Variants in CFAP20DC observed in about 807,000 individuals in gnomAD.
CFAP20DC encodes the protein protein CFAP20DC.
A neutral mutation model predicts 101.7 loss-of-function variants in CFAP20DC; 84 were observed. That is an observed-to-expected ratio of 0.83 (90% CI 0.69 to 0.99). The LOEUF is 0.99. Ranked by LOEUF, CFAP20DC falls within the 50% of genes least tolerant of loss-of-function variation. CFAP20DC has a pLI of 0.00. For missense variants in CFAP20DC, 1,007 were observed against 970.3 expected, an observed-to-expected ratio of 1.04 and a Z score of -0.50; for synonymous variants, 359 against 351.2, an observed-to-expected ratio of 1.02 and a Z score of -0.25.
At chr3:58,838,592 T>G (rs1281337492) in intron 13 of CFAP20DC, among the ~76,000 whole-genome samples, 1 of 152,154 alleles carries the variant, frequency 6.6e-6, no homozygotes, top group Non-Finnish European at 1.5e-5. Context: ...ATGAAAGGTT[T>G]TGTAAAAAAA....
At chr3:58,995,920 G>GT (rs2093106951) in intron 4 of CFAP20DC, among the ~76,000 whole-genome samples, 1 of 152,060 alleles carries the variant, frequency 6.6e-6, no homozygotes. Context: ...TTGCCAGACT[G>GT]TAGGTCATGG....
chr3:58,805,996 C>T lies in CFAP20DC; in HGVS notation c.2237+399G>A, dbSNP rs2074026086. Among the ~76,000 whole-genome samples, 7 of 152,084 alleles carry T rather than the reference C, an allele frequency of 4.6e-5. No individual in the cohort carries two copies. The South Asian group carries it at 1.5e-3, about 32-fold the overall frequency. On this transcript the variant is annotated intron_variant, in intron 15 of 16. Coordinates refer to ENST00000482387, the MANE Select transcript of CFAP20DC (RefSeq NM_001394063.1). ...AAAAAAGATTTATGCCTAAAATTTA[C>T]CAAACATCAGACACCTATTAAAATA...
At chr3:58,965,418 G>A (rs1388478631) in intron 4 of CFAP20DC, among the ~76,000 whole-genome samples, 1 of 152,098 alleles carries the variant, frequency 6.6e-6, no homozygotes, top group Admixed American at 6.6e-5. Context: ...TGTAATTATG[G>A]CATTTAAACA....
chr3:58,870,987 TAATTATTCAACTC>T (rs2080159706), intron 7 of CFAP20DC, among the ~76,000 whole-genome samples: 1 of 139,924 alleles, frequency 7.1e-6, no homozygotes, highest in Non-Finnish European at 1.5e-5. Flanking sequence ...AATTTAAATA[TAATTATTCAACTC>T]AACCTAACAA....
chr3:58,869,513 A>G lies in CFAP20DC; in HGVS notation c.853-23T>C, dbSNP rs112828274. ...TGTCTGTAAAGGAATTAATCTGTAC[A>G]TTTTAAAATATAGCAACTACATTTG... On this transcript the variant is annotated intron_variant, in intron 8 of 16. Coordinates refer to ENST00000482387, the MANE Select transcript of CFAP20DC (RefSeq NM_001394063.1). This position sits in a 1 kb window ranked among gnomAD's most constrained non-coding sequence, Gnocchi z 4.3. The G allele has an allele frequency of 5.6e-5, 86 of 1,523,068 alleles. 1 individual carries two copies. In the South Asian group the frequency reaches 1.1e-3, roughly 19 times the overall value. 94.3% of individuals were successfully genotyped at this position (1,523,068 alleles called of 1,614,324 possible).
chr3:58,767,505 G>C (rs2070429028), intron 15 of CFAP20DC, among the ~76,000 whole-genome samples: 1 of 152,126 alleles, frequency 6.6e-6, no homozygotes, highest in Admixed American at 6.5e-5. Context: ...CCCACTTCAA[G>C]AAGGGATCTT....
chr3:58,979,622 T>C (rs188235794), intron 4 of CFAP20DC, among the ~76,000 whole-genome samples: 4 of 152,294 alleles, frequency 2.6e-5, no homozygotes, highest in African/African-American at 9.6e-5. Context: ...TAAAGTATAT[T>C]GATCCTACCT....
chr3:58,769,771 G>A (rs147929697), intron 15 of CFAP20DC, among the ~76,000 whole-genome samples: 8 of 152,242 alleles, frequency 5.3e-5, no homozygotes, highest in South Asian at 2.1e-4. Flanking sequence ...AGCAAAAGGC[G>A]GGAAACACGA....
At chr3:58,718,756 T>C (rs1188596741) in intron 3 of CFAP20DC, among the ~76,000 whole-genome samples, 2 of 152,222 alleles carry the variant, frequency 1.3e-5, no homozygotes, top group Admixed American at 1.3e-4. Context: ...TAACCTGGCA[T>C]TGTGGAAATA....
Position 58,831,743 on chromosome 3 carries a change from A to G in CFAP20DC, c.2118T>C (p.Asn706=). 2 of 1,614,076 alleles carry G rather than the reference A, an allele frequency of 1.2e-6. No individual in the cohort carries two copies. The highest frequency in any genetic ancestry group is 2.2e-5 in the East Asian group (1 of 44,872). The part of the protein sequence containing the change: ...GLSASQVDNC[N]VSISTSSDDT... Reference sequence around the variant, plus strand: ...CGTCACTGCTGGTACTTATGCTGACATTACAGTTGTCCACCTGGGAGGCAC... The same window carrying G: ...CGTCACTGCTGGTACTTATGCTGACGTTACAGTTGTCCACCTGGGAGGCAC... The change falls in exon 14 of 17, where the codon AAT becomes AAC. Residue 706 remains asparagine, a synonymous_variant. Transcript: ENST00000482387.
At chr3:59,044,142 G>A (rs540353091) in intron 3 of CFAP20DC, among the ~76,000 whole-genome samples, 174 of 152,172 alleles carry the variant, frequency 1.1e-3, no homozygotes, top group Non-Finnish European at 9.9e-4. Flanking sequence ...AATACAGACA[G>A]AAACACAAAT....
intron 4 of CFAP20DC, among the ~76,000 whole-genome samples, chr3:59,034,840 A>T (rs1276971699): frequency 6.6e-6 from 1 of 152,168 alleles, no homozygotes; most frequent in Admixed American, 6.5e-5. Context: ...TGGACCAACC[A>T]GAACTAATAG....
chr3:58,983,797 T>C (rs2092665084), intron 4 of CFAP20DC, among the ~76,000 whole-genome samples: 1 of 152,188 alleles, frequency 6.6e-6, no homozygotes, highest in Non-Finnish European at 1.5e-5. Context: ...TGTCCTTTTA[T>C]TATTCCCATT....
chr3:58,866,472 G>C, intron 11 of CFAP20DC, 94 bp downstream of exon 11: 4 of 1,026,016 alleles, frequency 3.9e-6, no homozygotes. Flanking sequence ...CAAATCGGCT[G>C]CATCACCACT....
intron 15 of CFAP20DC, among the ~76,000 whole-genome samples, chr3:58,771,856 T>C (rs1188277069): frequency 6.6e-6 from 1 of 152,210 alleles, no homozygotes; most frequent in African/African-American, 2.4e-5. Context: ...CTCCACGACT[T>C]ATCTCTCATC....
At chr3:58,850,911 A>C (rs1359351378) in intron 12 of CFAP20DC, among the ~76,000 whole-genome samples, 2 of 152,162 alleles carry the variant, frequency 1.3e-5, no homozygotes, top group Admixed American at 6.5e-5. Context: ...TACACACTCA[A>C]CATAATGGTG....
At chr3:58,877,680 G>A (rs2080867777) in intron 7 of CFAP20DC, among the ~76,000 whole-genome samples, 1 of 152,172 alleles carries the variant, frequency 6.6e-6, no homozygotes, top group Non-Finnish European at 1.5e-5. Context: ...TGTGGATCAG[G>A]AGGACATTGA....
intron 5 of CFAP20DC, among the ~76,000 whole-genome samples, chr3:58,932,776 C>G (rs2086899281): frequency 6.6e-6 from 1 of 152,164 alleles, no homozygotes; most frequent in South Asian, 2.1e-4. Flanking sequence ...GAAGGAAGCA[C>G]TAAACATGGA....
chr3:58,945,505 T>C (rs2089230742), intron 4 of CFAP20DC, among the ~76,000 whole-genome samples: 1 of 152,164 alleles, frequency 6.6e-6, no homozygotes, highest in South Asian at 2.1e-4. Flanking sequence ...ACTAAAATTT[T>C]GGAGGCTAAT....
Sources: allele counts gnomAD v4.1 joint callset (sites outside exome capture counted in the v4.1 genomes callset), GRCh38; gene constraint gnomAD v4.1.1; non-coding constraint Gnocchi (gnomAD v3.1); transcripts MANE v1.5; gene names NCBI Gene and HGNC (gene_info 2026-07-23, HGNC 2026-07-21).